The following CSMD1 variants were observed in gnomAD, a reference collection of about 807,000 sequenced individuals.
The protein encoded by CSMD1 is CUB and Sushi multiple domains 1.
Under a neutral mutation model 417.5 loss-of-function variants are expected in CSMD1, and 213 were observed. The ratio of observed to expected loss-of-function variants is 0.51; its 90% confidence interval spans 0.46 to 0.57. The LOEUF (loss-of-function observed/expected upper bound fraction) is 0.57. Ranked by LOEUF, CSMD1 falls within the 20% of genes least tolerant of loss-of-function variation. CSMD1 has a pLI of 0.00. For synonymous variants in CSMD1, 2,862 were observed against 1,736.8 expected, an observed-to-expected ratio of 1.65 and a Z score of -16.11; for missense variants, 6,923 against 4,529.7, an observed-to-expected ratio of 1.53 and a Z score of -15.17.
intron 1 of CSMD1, among the ~76,000 whole-genome samples, chr8:4,768,553 G>T (rs945720135): frequency 4.6e-5 from 7 of 152,192 alleles, no homozygotes; most frequent in African/African-American, 1.7e-4. Context: ...AGCCTCTTCT[G>T]TAGAAAATGC....
At chr8:3,199,889 G>T (rs768523088) in intron 32 of CSMD1, 80 bp from the exon 33 acceptor site, 2 of 785,710 alleles carry the variant, frequency 2.5e-6, no homozygotes, top group Non-Finnish European at 4.1e-6. Flanking sequence ...TGGTGATAAA[G>T]TTGAAATTTC....
chr8:4,327,741 A>T (rs1467011192), intron 3 of CSMD1, among the ~76,000 whole-genome samples: 1 of 152,384 alleles, frequency 6.6e-6, no homozygotes, highest in East Asian at 1.9e-4. Context: ...CTACTGTCCG[A>T]AAACATTGTT....
At chr8:4,180,617 A>G (rs1002713083) in intron 3 of CSMD1, among the ~76,000 whole-genome samples, 2 of 152,122 alleles carry the variant, frequency 1.3e-5, no homozygotes, top group African/African-American at 4.8e-5. Flanking sequence ...AATACAAAAC[A>G]AAACAGAACA....
At chr8:2,956,703 G>A (rs1239983912) in intron 63 of CSMD1, among the ~76,000 whole-genome samples, 7 of 152,050 alleles carry the variant, frequency 4.6e-5, no homozygotes, top group African/African-American at 7.2e-5. Context: ...TGATCCACCT[G>A]CCTCGGCCTC....
At chr8:3,636,503 AT>A (rs1488247495) in intron 7 of CSMD1, among the ~76,000 whole-genome samples, 1 of 152,168 alleles carries the variant, frequency 6.6e-6, no homozygotes, top group Non-Finnish European at 1.5e-5. Context: ...TTAGGAGTCT[AT>A]CTAAGCCAGT....
chr8:4,841,929 A>AAAAACAAAAAACAAAAC (rs1563561228), intron 1 of CSMD1, among the ~76,000 whole-genome samples: 3 of 144,450 alleles, frequency 2.1e-5, no homozygotes, highest in African/African-American at 7.8e-5. Flanking sequence ...AAAAAAAAAA[A>AAAAACAAAAAACAAAAC]AAAAAAAAAG....
intron 1 of CSMD1, among the ~76,000 whole-genome samples, chr8:4,825,281 C>A (rs1799760103): frequency 6.6e-6 from 1 of 152,082 alleles, no homozygotes; most frequent in Non-Finnish European, 1.5e-5. Context: ...AATCACCCCA[C>A]TCAAGGATAT....
In CSMD1 at chr8:3,142,443, G is replaced by A. The variant is rs769139842; in HGVS notation, c.6241+22C>T. 8.2e-6 allele frequency: 13 copies of A among 1,592,158 alleles called. No individual in the cohort carries two copies. The Admixed American group carries it at 1.6e-4, about 19-fold the overall frequency. ...AGAAGTGTATTTAGATTTGGGTTTCGGTTCTCGTTGTTGTTCCATACCTTG... is the reference window on the plus strand; with the variant it reads ...AGAAGTGTATTTAGATTTGGGTTTCAGTTCTCGTTGTTGTTCCATACCTTG... On this transcript the variant is annotated intron_variant, in intron 41 of 69. Coordinates refer to ENST00000635120, the MANE Select transcript of CSMD1 (RefSeq NM_033225.6).
intron 3 of CSMD1, among the ~76,000 whole-genome samples, chr8:4,341,726 C>A (rs1419160119): frequency 6.6e-6 from 1 of 152,086 alleles, no homozygotes; most frequent in Non-Finnish European, 1.5e-5. Context: ...GTTTTTTCAA[C>A]AAATTAGAAT....
In CSMD1 at chr8:3,199,803, G is replaced by A. The variant is rs751850454; in HGVS notation, c.5105C>T (p.Thr1702Ile). 2.6e-6 allele frequency: 4 copies of A among 1,567,740 alleles called. No individual in the cohort carries two copies. The highest frequency in any genetic ancestry group is 2.7e-5 in the African/African-American group (2 of 73,960). The change falls in exon 33 of 70, where the codon ACA becomes ATA. Residue 1702 changes from threonine (T) to isoleucine (I), a missense_variant. Thr to Ile is a moderately conservative substitution (Grantham distance 89). Coordinates refer to ENST00000635120, the MANE Select transcript of CSMD1 (RefSeq NM_033225.6). ...SSLSGSHSGETLPLATSNQIL... is the reference protein window; with the variant it reads ...SSLSGSHSGEILPLATSNQIL... Reference sequence around the variant, plus strand: ...TTGATTTGACGTAGCCAAGGGCAATGTTTCCCCTAGAAACGAAAACAGAGA... The same window carrying A: ...TTGATTTGACGTAGCCAAGGGCAATATTTCCCCTAGAAACGAAAACAGAGA...
chr8:3,048,622 A>G (rs1390421589), intron 50 of CSMD1, among the ~76,000 whole-genome samples: 2 of 152,222 alleles, frequency 1.3e-5, no homozygotes, highest in Admixed American at 6.5e-5. Flanking sequence ...GTTCAAAAAT[A>G]TAAACTCCTA....
intron 3 of CSMD1, among the ~76,000 whole-genome samples, chr8:4,246,568 T>C (rs1802722739): frequency 6.6e-6 from 1 of 152,170 alleles, no homozygotes; most frequent in Admixed American, 6.6e-5. Flanking sequence ...TTCTTTAAAA[T>C]AATTATTTGC....
chr8:3,250,180 G>A (rs915835751), intron 26 of CSMD1, among the ~76,000 whole-genome samples: 1 of 152,166 alleles, frequency 6.6e-6, no homozygotes, highest in African/African-American at 2.4e-5. Context: ...TTAACATTAG[G>A]TATGTCTCCA....
chr8:4,024,212 A>C (rs1796944287), intron 4 of CSMD1, among the ~76,000 whole-genome samples: 1 of 152,200 alleles, frequency 6.6e-6, no homozygotes, highest in Admixed American at 6.5e-5. Flanking sequence ...AAGACATGGG[A>C]AACAGAAGTG....
intron 5 of CSMD1, among the ~76,000 whole-genome samples, chr8:3,806,416 G>A (rs374371926): frequency 5.0e-4 from 76 of 152,156 alleles, no homozygotes; most frequent in African/African-American, 1.8e-3. Context: ...AAGCCCTCAA[G>A]CATCCTGATA....
intron 1 of CSMD1, among the ~76,000 whole-genome samples, chr8:4,985,583 A>G (rs913029928): frequency 6.6e-6 from 1 of 152,228 alleles, no homozygotes; most frequent in Non-Finnish European, 1.5e-5. Flanking sequence ...AAATGTGTAT[A>G]TCTTCCCTAA....
chr8:4,534,675 G>T (rs1204678205), intron 2 of CSMD1, among the ~76,000 whole-genome samples: 1 of 152,068 alleles, frequency 6.6e-6, no homozygotes, highest in Admixed American at 6.6e-5. Context: ...AGTTATAAGT[G>T]AGAACATGTG....
intron 39 of CSMD1, among the ~76,000 whole-genome samples, chr8:3,154,666 C>T (rs891704906): frequency 1.8e-4 from 28 of 152,120 alleles, no homozygotes; most frequent in Non-Finnish European, 1.6e-4. Flanking sequence ...CTTCACCCAG[C>T]TGTAGAGCCC....
At chr8:3,921,262 A>G (rs1379190283) in intron 5 of CSMD1, among the ~76,000 whole-genome samples, 1 of 152,094 alleles carries the variant, frequency 6.6e-6, no homozygotes, top group African/African-American at 2.4e-5. Flanking sequence ...CTGTTGTAGT[A>G]TCACCTCTTT....
Sources: gnomAD v4.1 joint callset for allele counts (sites outside exome capture counted in the v4.1 genomes callset) on GRCh38, gnomAD v4.1.1 for gene constraint, MANE v1.5 for transcripts, NCBI Gene and HGNC (gene_info 2026-07-23, HGNC 2026-07-21) for gene names.